The following PLXDC2 variants were observed in gnomAD, a reference collection of about 807,000 sequenced individuals.
The protein encoded by PLXDC2 is plexin domain-containing protein 2.
PLXDC2 carries 40 observed loss-of-function variants against 68.9 expected under a neutral mutation model. The observed-to-expected ratio is 0.58, with a 90% CI of 0.45 to 0.76. PLXDC2 has a LOEUF of 0.76. PLXDC2 is among the 30% of genes least tolerant of loss of function. The pLI is 0.00. For missense variants in PLXDC2, 644 were observed against 661.9 expected (o/e 0.97, Z 0.30); for synonymous variants, 243 against 234.2 (o/e 1.04, Z -0.34).
At chr10:20,182,844 CT>C (rs933103087) in intron 9 of PLXDC2, among the ~76,000 whole-genome samples, 2 of 151,962 alleles carry the variant, frequency 1.3e-5, no homozygotes, top group Non-Finnish European at 2.9e-5. Flanking sequence ...TGTCCCTCCC[CT>C]TGTCCCCTAC....
intron 1 of PLXDC2, among the ~76,000 whole-genome samples, chr10:19,949,123 CAAAAAAAAA>C (rs60138814): frequency 6.0e-5 from 5 of 82,922 alleles, no homozygotes; most frequent in Non-Finnish European, 1.0e-4. Context: ...GAGACTTTGT[CAAAAAAAAA>C]AAAAAAAAAA....
chr10:19,843,461 A>G (rs941160979), intron 1 of PLXDC2, among the ~76,000 whole-genome samples: 1 of 152,188 alleles, frequency 6.6e-6, no homozygotes, highest in Non-Finnish European at 1.5e-5. Flanking sequence ...TTCTGGCTGC[A>G]TTAAGATATT....
chr10:20,158,463 T>G (rs1174983247), intron 6 of PLXDC2, among the ~76,000 whole-genome samples: 2 of 146,938 alleles, frequency 1.4e-5, no homozygotes, highest in Non-Finnish European at 3.0e-5. Flanking sequence ...AAGAAGTTCA[T>G]TTTACAGCCT....
intron 1 of PLXDC2, among the ~76,000 whole-genome samples, chr10:19,834,021 G>A (rs986595019): frequency 6.6e-6 from 1 of 151,800 alleles, no homozygotes; most frequent in African/African-American, 2.4e-5. Context: ...AAACATATGG[G>A]CAATAGAAGT....
intron 2 of PLXDC2, among the ~76,000 whole-genome samples, chr10:20,007,980 CA>C (rs1835053789): frequency 6.6e-6 from 1 of 152,162 alleles, no homozygotes; most frequent in Non-Finnish European, 1.5e-5. Flanking sequence ...CAAGAATGAT[CA>C]ACAAATATGT....
chr10:20,126,721 C>T (rs4990268), intron 4 of PLXDC2, among the ~76,000 whole-genome samples: 492 of 1,990 alleles, frequency 0.25, 236 homozygotes, highest in Middle Eastern at 1. Flanking sequence ...ATAACACACA[C>T]GTTATATATG....
At chr10:20,265,607 G>A (rs1477281359) in intron 13 of PLXDC2, among the ~76,000 whole-genome samples, 1 of 152,022 alleles carries the variant, frequency 6.6e-6, no homozygotes, top group Non-Finnish European at 1.5e-5. Context: ...ATATCATTTA[G>A]TATTGTATAT....
chr10:20,171,819 A>C (rs540339762), intron 7 of PLXDC2, among the ~76,000 whole-genome samples: 5 of 152,112 alleles, frequency 3.3e-5, no homozygotes, highest in African/African-American at 1.2e-4. Flanking sequence ...ACAATTTAGA[A>C]CTGTGTCTAG....
In PLXDC2 at chr10:19,983,825, T is replaced by A. The variant is rs148838546; in HGVS notation, c.113-17950T>A. Among the ~76,000 whole-genome samples the A allele has an allele frequency of 4.5e-3, 679 of 152,304 alleles. 3 individuals carry two copies. The highest frequency in any genetic ancestry group is 0.015 in the African/African-American group (641 of 41,560). On this transcript the variant is annotated intron_variant, in intron 1 of 13. Coordinates refer to ENST00000377252, the MANE Select transcript of PLXDC2 (RefSeq NM_032812.9). ...CACCTTGGACCTCCCGAGTCAGATCTGCATTTTAACTCTTAACAGTCCCTC... is the reference window on the plus strand; with the variant it reads ...CACCTTGGACCTCCCGAGTCAGATCAGCATTTTAACTCTTAACAGTCCCTC...
intron 1 of PLXDC2, among the ~76,000 whole-genome samples, chr10:19,972,890 A>T (rs1589563910): frequency 6.6e-6 from 1 of 152,174 alleles, no homozygotes; most frequent in Non-Finnish European, 1.5e-5. Flanking sequence ...TTAAAACCTC[A>T]CTACTTCCTA....
At chr10:20,277,608 A>T (rs1051411132) in intron 13 of PLXDC2, among the ~76,000 whole-genome samples, 2 of 152,226 alleles carry the variant, frequency 1.3e-5, no homozygotes, top group African/African-American at 4.8e-5. Context: ...TCATTATGAA[A>T]GTATTCTAAA....
At chr10:19,829,982 C>A (rs1836657221) in intron 1 of PLXDC2, among the ~76,000 whole-genome samples, 1 of 152,160 alleles carries the variant, frequency 6.6e-6, no homozygotes, top group Non-Finnish European at 1.5e-5. Flanking sequence ...TGTGAAAGGA[C>A]AAGATTTTAA....
Position 20,044,196 on chromosome 10 carries a change from TCTCTCTCTCTCTCTG to T in PLXDC2, c.325-2672_325-2658del, listed in dbSNP as rs1835739775. Among the ~76,000 whole-genome samples the T allele has an allele frequency of 2.2e-5, 3 of 137,998 alleles. No individual in the cohort carries two copies. In the South Asian group the frequency reaches 6.9e-4, roughly 32 times the overall value. 90.5% of individuals were successfully genotyped at this position (137,998 alleles called of 152,430 possible). On this transcript the variant is annotated intron_variant, in intron 2 of 13. Transcript: ENST00000377252. ...TTCTTTCCTTCTTTCTTTCTTTCTC[TCTCTCTCTCTCTCTG>T]TCTTTCTTTCTTTCTTTCTTTCTTT...
chr10:19,939,601 C>T (rs774976456), intron 1 of PLXDC2, among the ~76,000 whole-genome samples: 6 of 152,156 alleles, frequency 3.9e-5, no homozygotes, highest in Admixed American at 6.5e-5. Context: ...TGAAAGCTCA[C>T]AGAAAGTAGG....
chr10:20,227,468 A>C (rs1005173093), intron 12 of PLXDC2, among the ~76,000 whole-genome samples: 3 of 152,144 alleles, frequency 2.0e-5, no homozygotes, highest in Admixed American at 6.5e-5. Context: ...ACATAGAAAG[A>C]GGTTCAGAAG....
At chr10:19,878,050 G>A (rs1837665208) in intron 1 of PLXDC2, among the ~76,000 whole-genome samples, 1 of 152,182 alleles carries the variant, frequency 6.6e-6, no homozygotes, top group South Asian at 2.1e-4. Flanking sequence ...GCTTGAGCAA[G>A]AAAGAATTTG....
chr10:20,158,516 A>T, intron 6 of PLXDC2, among the ~76,000 whole-genome samples: 1 of 140,164 alleles, frequency 7.1e-6, no homozygotes, highest in East Asian at 2.3e-4. Flanking sequence ...AAAAAAAAAA[A>T]AAAAAAAAAA....
intron 1 of PLXDC2, among the ~76,000 whole-genome samples, chr10:19,911,780 A>G (rs998561128): frequency 6.6e-6 from 1 of 152,210 alleles, no homozygotes; most frequent in Admixed American, 6.5e-5. Flanking sequence ...TTTTTAGTTC[A>G]TTAAAAAAGA....
chr10:20,031,895 G>C (rs192774675), intron 2 of PLXDC2, among the ~76,000 whole-genome samples: 1 of 151,574 alleles, frequency 6.6e-6, no homozygotes, highest in Non-Finnish European at 1.5e-5. Flanking sequence ...GCATAATCTC[G>C]GCCCACTGCA....
Sources: allele counts gnomAD v4.1 joint callset (sites outside exome capture counted in the v4.1 genomes callset), GRCh38; gene constraint gnomAD v4.1.1; transcripts MANE v1.5; gene names NCBI Gene and HGNC (gene_info 2026-07-23, HGNC 2026-07-21).